The following ZSWIM2 variants were observed in gnomAD, a reference collection of about 807,000 sequenced individuals.
ZSWIM2 encodes the protein E3 ubiquitin-protein ligase ZSWIM2.
Under a neutral mutation model 48.4 loss-of-function variants are expected in ZSWIM2, and 38 were observed. That is an observed-to-expected ratio of 0.79 (90% CI 0.61 to 1.03). The LOEUF is 1.03. Among genes scored for constraint, ZSWIM2 ranks in the 50% least tolerant of loss-of-function variants. The pLI is 0.00. For missense variants in ZSWIM2, 776 were observed against 730.2 expected, an observed-to-expected ratio of 1.06 and a Z score of -0.72; for synonymous variants, 240 against 251.3, an observed-to-expected ratio of 0.96 and a Z score of 0.42.
chr2:186,845,032 A>T lies in ZSWIM2; in HGVS notation c.243-275T>A, dbSNP rs191375677. Among the ~76,000 whole-genome samples the T allele has an allele frequency of 3.8e-4, 58 of 151,694 alleles. No individual in the cohort carries two copies. In the East Asian group the frequency reaches 8.7e-3, roughly 23 times the overall value. On this transcript the variant is annotated intron_variant, in intron 2 of 8. Coordinates refer to ENST00000295131, the MANE Select transcript of ZSWIM2 (RefSeq NM_182521.3). ...AGTCCATGTATTTCTTACGACATAC[A>T]GTTATTCAAAGGGAAAGGATAATGA...
Position 186,828,042 on chromosome 2 carries a change from TG to T in ZSWIM2, c.1843del (p.His615ThrfsTer3), listed in dbSNP as rs757278402. The T allele has an allele frequency of 1.9e-6, 3 of 1,612,786 alleles. No individual in the cohort carries two copies. In the African/African-American group the frequency reaches 4.0e-5, roughly 22 times the overall value. ...CTCAGTACTTTTTGTATTTACAGAG[TG>T]AGACACAGGCTGTCTTGATAGATGA... ...CSHLSRQPVS[H>X]SVNTKSTELS... is the part of the protein sequence containing the mutation. On this transcript the variant is annotated frameshift_variant, in exon 9 of 9. Transcript: ENST00000295131. LOFTEE classifies it high-confidence loss of function.
At chr2:186,837,176 A>G (rs999289725) in intron 5 of ZSWIM2, 130 bp downstream of exon 5, 6 of 903,198 alleles carry the variant, frequency 6.6e-6, no homozygotes, top group Admixed American at 2.4e-5. Flanking sequence ...CTAAATAAGC[A>G]GTCGTCACAC....
rs1559111361 is a variant in ZSWIM2 at position 186,829,861 on chromosome 2, G to GT, written c.960dup (p.His321ThrfsTer13). 6.2e-7 allele frequency: 1 copy of GT among 1,613,530 alleles called. No homozygotes were observed. On this transcript the variant is annotated frameshift_variant, in exon 8 of 9. Transcript: ENST00000295131. LOFTEE classifies it high-confidence loss of function. Reference sequence around the variant, plus strand: ...TGGAGAGGCAGTGATCTTACAATGTGTTTTGGTGTGTAAACTTGGCTGAAT... The same window carrying GT: ...TGGAGAGGCAGTGATCTTACAATGTGTTTTTGGTGTGTAAACTTGGCTGAAT...
In ZSWIM2 at chr2:186,828,391, C is replaced by G; in HGVS notation, c.1495G>C (p.Asp499His). ...ISQHFPRYLQ[D>H]LPTVSFGKIP... ...TTCCCAAATGACACAGTGGGTAAAT[C>G]TTGAAGATACCTGGGAAAATGTTGG... Residue 499 changes from aspartate (D) to histidine (H), a missense_variant, in exon 9 of 9, where the codon GAT becomes CAT. Physicochemically the swap from Asp to His is moderately conservative, Grantham distance 81. Transcript: ENST00000295131. 1 of 1,613,608 alleles carries G rather than the reference C, an allele frequency of 6.2e-7. No homozygotes were observed. Among genetic ancestry groups the G allele is most frequent in the Admixed American group, 1.7e-5 (1 of 59,914 alleles).
chr2:186,844,115 T>C (rs1691954597), intron 3 of ZSWIM2, among the ~76,000 whole-genome samples: 1 of 151,642 alleles, frequency 6.6e-6, no homozygotes, highest in Non-Finnish European at 1.5e-5. Context: ...CCTTTGACAA[T>C]GACAGTATCT....
At chr2:186,846,886 T>C (rs1353681649) in intron 2 of ZSWIM2, among the ~76,000 whole-genome samples, 1 of 151,426 alleles carries the variant, frequency 6.6e-6, no homozygotes, top group Non-Finnish European at 1.5e-5. Flanking sequence ...GCAGCATGGA[T>C]GGAACTGGAG....
At chr2:186,836,526 GAC>G (rs1691795419) in intron 5 of ZSWIM2, among the ~76,000 whole-genome samples, 1 of 152,100 alleles carries the variant, frequency 6.6e-6, no homozygotes, top group East Asian at 1.9e-4. Flanking sequence ...ACGGTTTTAT[GAC>G]AGAGTTTTAA....
intron 4 of ZSWIM2, among the ~76,000 whole-genome samples, chr2:186,838,003 A>G (rs1691828686): frequency 6.6e-6 from 1 of 151,812 alleles, no homozygotes; most frequent in East Asian, 1.9e-4. Flanking sequence ...GAGAAATACC[A>G]TTTTGGAAAG....
chr2:186,834,471 C>T (rs930308472), intron 5 of ZSWIM2, among the ~76,000 whole-genome samples: 3 of 152,022 alleles, frequency 2.0e-5, no homozygotes, highest in Non-Finnish European at 4.4e-5. Flanking sequence ...GTCAGATCAG[C>T]GGTGGCATCA....
intron 5 of ZSWIM2, among the ~76,000 whole-genome samples, chr2:186,836,214 C>G (rs560754395): frequency 6.2e-4 from 94 of 152,200 alleles, no homozygotes; most frequent in Middle Eastern, 3.4e-3. Flanking sequence ...CTATCCACCC[C>G]TCTTGAGAAA....
chr2:186,836,088 G>A (rs1475490395), intron 5 of ZSWIM2, among the ~76,000 whole-genome samples: 1 of 152,018 alleles, frequency 6.6e-6, no homozygotes, highest in Admixed American at 6.6e-5. Context: ...AAACCATTTG[G>A]GGAACATTGA....
chr2:186,830,861 T>G (rs1460999073), intron 7 of ZSWIM2, among the ~76,000 whole-genome samples: 2 of 152,162 alleles, frequency 1.3e-5, no homozygotes, highest in African/African-American at 4.8e-5. Context: ...AAAGGTCAGA[T>G]GCATTCCTAT....
At chr2:186,848,728 T>A (rs545255814) in intron 1 of ZSWIM2, 5 of 458,776 alleles carry the variant, frequency 1.1e-5, no homozygotes, top group Non-Finnish European at 2.0e-5. Flanking sequence ...GCCATCATCT[T>A]TTACAAGAGT....
rs547700227 is a variant in ZSWIM2, at chr2:186,835,586, T to C, written c.744-1556A>G. Among the ~76,000 whole-genome samples the C allele has an allele frequency of 3.7e-3, 557 of 152,296 alleles. 1 individual carries two copies. Among genetic ancestry groups the C allele is most frequent in the Non-Finnish European group, 5.6e-3 (383 of 68,018 alleles). ...ATGCTGGGCTAAAAAAAGTTAAGCA[T>C]CTCTGTATTTTAACATATATCTAGT... On this transcript the variant is annotated intron_variant, in intron 5 of 8. Coordinates refer to ENST00000295131, the MANE Select transcript of ZSWIM2 (RefSeq NM_182521.3).
chr2:186,835,870 C>T (rs1239101560), intron 5 of ZSWIM2, among the ~76,000 whole-genome samples: 4 of 152,000 alleles, frequency 2.6e-5, no homozygotes, highest in Admixed American at 1.3e-4. Flanking sequence ...TAGCCAGATC[C>T]GTAGAGGAGA....
chr2:186,848,778 A>T, intron 1 of ZSWIM2, 188 bp downstream of exon 1: 6 of 689,558 alleles, frequency 8.7e-6, no homozygotes, highest in Non-Finnish European at 1.4e-5. Flanking sequence ...AACTTCTAAT[A>T]AATACTATTT....
chr2:186,834,874 C>T (rs1320360810), intron 5 of ZSWIM2, among the ~76,000 whole-genome samples: 1 of 152,122 alleles, frequency 6.6e-6, no homozygotes, highest in Non-Finnish European at 1.5e-5. Context: ...ATTTCAAGGT[C>T]AGTGATTAGA....
intron 7 of ZSWIM2, among the ~76,000 whole-genome samples, chr2:186,831,075 T>C (rs1691690583): frequency 6.6e-6 from 1 of 152,170 alleles, no homozygotes; most frequent in Admixed American, 6.5e-5. Flanking sequence ...ACTTATTCCA[T>C]TTTCTCTGCC....
At chr2:186,848,768 A>C (rs975585866) in intron 1 of ZSWIM2, 198 bp downstream of exon 1, 10 of 631,588 alleles carry the variant, frequency 1.6e-5, no homozygotes, top group African/African-American at 1.3e-4. Context: ...CCAAAAAAGA[A>C]ACTTCTAATA....
Sources: allele counts gnomAD v4.1 joint callset (sites outside exome capture counted in the v4.1 genomes callset), GRCh38; gene constraint gnomAD v4.1.1; transcripts MANE v1.5; gene names NCBI Gene and HGNC (gene_info 2026-07-23, HGNC 2026-07-21).